NFIA: variants seen among roughly 807,000 people sequenced by gnomAD.
The protein encoded by NFIA is nuclear factor 1 A-type.
Under a neutral mutation model 62.8 loss-of-function variants are expected in NFIA, and 8 were observed. The ratio of observed to expected loss-of-function variants is 0.13; its 90% CI spans 0.07 to 0.23. NFIA has a LOEUF of 0.23. NFIA is among the 10% of genes least tolerant of loss of function. NFIA has a pLI of 1.00. For missense variants in NFIA, 410 were observed against 642.1 expected (o/e 0.64, Z 3.91); for synonymous variants, 235 against 238.1 (o/e 0.99, Z 0.12).
intron 10 of NFIA, among the ~76,000 whole-genome samples, chr1:61,451,846 C>G (rs1024072644): frequency 1.3e-5 from 2 of 152,098 alleles, no homozygotes; most frequent in African/African-American, 4.8e-5. Flanking sequence ...CTATAAAGTA[C>G]GAAGGCAGAA....
At chr1:61,317,642 T>G (rs943130205) in intron 3 of NFIA, among the ~76,000 whole-genome samples, 1 of 151,934 alleles carries the variant, frequency 6.6e-6, no homozygotes, top group Non-Finnish European at 1.5e-5. Flanking sequence ...AAAATTCACT[T>G]AAATAAAATT....
At chr1:61,405,404 A>C (rs1032882041) in intron 8 of NFIA, among the ~76,000 whole-genome samples, 2 of 152,244 alleles carry the variant, frequency 1.3e-5, no homozygotes, top group African/African-American at 2.4e-5. Flanking sequence ...CAGACGAGGT[A>C]GTCTTTGAGG....
intron 4 of NFIA, among the ~76,000 whole-genome samples, chr1:61,346,947 T>C (rs749707994): frequency 1.6e-4 from 25 of 152,114 alleles, no homozygotes; most frequent in Non-Finnish European, 3.4e-4. Context: ...CCATCAGATC[T>C]CGTGGGAACT....
chr1:61,437,910 C>T (rs1667404684), intron 10 of NFIA, among the ~76,000 whole-genome samples: 1 of 152,100 alleles, frequency 6.6e-6, no homozygotes, highest in African/African-American at 2.4e-5. Context: ...AGAGTCTAGT[C>T]GTGAATAAAT....
chr1:61,396,375 G>C (rs1665269566), intron 7 of NFIA, among the ~76,000 whole-genome samples: 1 of 151,962 alleles, frequency 6.6e-6, no homozygotes, highest in South Asian at 2.1e-4. Context: ...CCTCCAAGTA[G>C]CTGGAATTAC....
intron 2 of NFIA, among the ~76,000 whole-genome samples, chr1:61,115,907 A>C (rs554876509): frequency 6.6e-6 from 1 of 152,300 alleles, no homozygotes; most frequent in South Asian, 2.1e-4. Context: ...TTGAAACTCT[A>C]AAAAGGTGGT....
chr1:61,202,285 A>G (rs1045335635), intron 2 of NFIA, among the ~76,000 whole-genome samples: 3 of 152,186 alleles, frequency 2.0e-5, no homozygotes, highest in African/African-American at 7.2e-5. Context: ...AATTTTGGGG[A>G]AGGAGGATGG....
At chr1:61,239,197 T>G (rs1655183870) in intron 2 of NFIA, among the ~76,000 whole-genome samples, 1 of 152,164 alleles carries the variant, frequency 6.6e-6, no homozygotes, top group African/African-American at 2.4e-5. Flanking sequence ...CTGGTGTCTT[T>G]TCTTAGTAGT....
chr1:61,352,669 A>G lies in NFIA; in HGVS notation c.818+102A>G. ...GATTTAGCAATGCGCCTTTAGTAAT[A>G]GAAGATAACAAAGTAGTGGGTTCAG... On this transcript the variant is annotated intron_variant, in intron 5 of 10. Transcript: ENST00000403491. 5 of 935,942 alleles carry G rather than the reference A, an allele frequency of 5.3e-6. No homozygotes were observed. In the South Asian group the frequency reaches 6.9e-5, roughly 13 times the overall value. 58.0% of individuals were successfully genotyped at this position (935,942 alleles called of 1,614,324 possible). A position where few individuals can be genotyped will look rare whatever the true frequency, so the allele number is the denominator to read the frequency against.
At chr1:61,323,767 G>A (rs1283125015) in intron 3 of NFIA, among the ~76,000 whole-genome samples, 1 of 152,084 alleles carries the variant, frequency 6.6e-6, no homozygotes, top group Non-Finnish European at 1.5e-5. Flanking sequence ...TTTACATCAC[G>A]CTTTAGAGGA....
chr1:61,195,151 G>A (rs999251933), intron 2 of NFIA, among the ~76,000 whole-genome samples: 2 of 151,862 alleles, frequency 1.3e-5, no homozygotes, highest in Admixed American at 1.3e-4. Context: ...TTATTTATTC[G>A]GCAGCATGAA....
chr1:61,155,658 C>T (rs975054084), intron 2 of NFIA, among the ~76,000 whole-genome samples: 16 of 110,668 alleles, frequency 1.4e-4, no homozygotes, highest in African/African-American at 5.4e-4. Context: ...CCGGCCTGGG[C>T]GACAGAGCGA....
At chr1:61,413,194 T>C (rs1171719324) in intron 9 of NFIA, among the ~76,000 whole-genome samples, 1 of 152,192 alleles carries the variant, frequency 6.6e-6, no homozygotes, top group Non-Finnish European at 1.5e-5. Flanking sequence ...GTTACCTTTA[T>C]TATTTATTTT....
chr1:61,087,913 A>G (rs1319179843), intron 1 of NFIA, among the ~76,000 whole-genome samples: 1 of 152,170 alleles, frequency 6.6e-6, no homozygotes, highest in African/African-American at 2.4e-5. Flanking sequence ...ATATTAAAAC[A>G]GTTTTTTAAT....
At chr1:61,222,028 T>C (rs1252509773) in intron 2 of NFIA, among the ~76,000 whole-genome samples, 1 of 152,146 alleles carries the variant, frequency 6.6e-6, no homozygotes, top group Non-Finnish European at 1.5e-5. Context: ...TACAACATTT[T>C]TGTTCACAAA....
chr1:61,122,398 C>T (rs943893360), intron 2 of NFIA, among the ~76,000 whole-genome samples: 5 of 152,168 alleles, frequency 3.3e-5, no homozygotes, highest in South Asian at 2.1e-4. Flanking sequence ...TTTAGACTAA[C>T]TTGCATGTAT....
intron 2 of NFIA, among the ~76,000 whole-genome samples, chr1:61,259,356 G>T (rs969194858): frequency 8.5e-5 from 13 of 152,270 alleles, no homozygotes; most frequent in Admixed American, 1.3e-4. Context: ...GCCCGGACTG[G>T]CCCTTCCCCT....
intron 2 of NFIA, among the ~76,000 whole-genome samples, chr1:61,143,820 C>G (rs539624920): frequency 1.3e-5 from 2 of 152,242 alleles, no homozygotes; most frequent in East Asian, 3.9e-4. Context: ...TTCCAATATG[C>G]CATACCACCG....
At chr1:61,133,126 T>G (rs974248623) in intron 2 of NFIA, 1 of 152,156 alleles carries the variant, frequency 6.6e-6, no homozygotes, top group African/African-American at 2.4e-5. Context: ...TTCTAAAGAC[T>G]TTTATAGGCA....
Sources: allele counts gnomAD v4.1 joint callset (sites outside exome capture counted in the v4.1 genomes callset), GRCh38; gene constraint gnomAD v4.1.1; transcripts MANE v1.5; gene names NCBI Gene and HGNC (gene_info 2026-07-23, HGNC 2026-07-21).